The following ERMP1 variants were observed in gnomAD, a reference collection of about 807,000 sequenced individuals.
The protein encoded by ERMP1 is endoplasmic reticulum metallopeptidase 1.
Under a neutral mutation model 92.0 loss-of-function variants are expected in ERMP1, and 86 were observed. The observed-to-expected ratio is 0.93, with a 90% CI of 0.79 to 1.12. The LOEUF (loss-of-function observed/expected upper bound fraction) is 1.12. Ranked by LOEUF, ERMP1 falls within the 50% of genes most tolerant of loss-of-function variation. ERMP1 has a pLI of 0.00. For synonymous variants in ERMP1, 530 were observed against 412.8 expected, an observed-to-expected ratio of 1.28 and a Z score of -3.44; for missense variants, 1,342 against 1,116.3, an observed-to-expected ratio of 1.20 and a Z score of -2.88.
At chr9:5,840,099 A>C (rs1830143405) in intron 6 of ERMP1, among the ~76,000 whole-genome samples, 1 of 152,132 alleles carries the variant, frequency 6.6e-6, no homozygotes, top group Admixed American at 6.5e-5. Context: ...GAAATTAACC[A>C]GGCGTGGTGG....
intron 4 of ERMP1, among the ~76,000 whole-genome samples, chr9:5,817,575 C>G (rs937318817): frequency 6.6e-6 from 1 of 152,242 alleles, no homozygotes; most frequent in Non-Finnish European, 1.5e-5. Flanking sequence ...CAGGCAGATA[C>G]AGAAACATTT....
rs1827924116 is a variant in ERMP1 at position 5,786,078 on chromosome 9, T to TCTC, written c.*1063_*1065dup. On this transcript the variant is annotated 3_prime_UTR_variant, in exon 15 of 15. Transcript: ENST00000339450. ...TTCCAGTATAAGCCACAACCTCAAG[T>TCTC]CTCAGGAAAGCCAGTCTGCTGGATA... is the stretch of plus-strand genomic sequence containing the variant. The TCTC allele has an allele frequency of 6.6e-6, 1 of 152,028 alleles. No individual in the cohort carries two copies. Among genetic ancestry groups the TCTC allele is most frequent in the Non-Finnish European group, 1.5e-5 (1 of 68,022 alleles). 9.4% of individuals were successfully genotyped at this position (152,028 alleles called of 1,614,324 possible). A position where few individuals can be genotyped will look rare whatever the true frequency, so the allele number is the denominator to read the frequency against.
intron 2 of ERMP1, among the ~76,000 whole-genome samples, chr9:5,830,298 C>G (rs1829890268): frequency 6.6e-6 from 1 of 152,172 alleles, no homozygotes; most frequent in Non-Finnish European, 1.5e-5. Flanking sequence ...TTGGACACCC[C>G]TGCTCTAAAA....
At chr9:5,807,881 C>T (rs1828928179) in intron 8 of ERMP1, among the ~76,000 whole-genome samples, 1 of 152,190 alleles carries the variant, frequency 6.6e-6, no homozygotes, top group Non-Finnish European at 1.5e-5. Flanking sequence ...CTTCATCCCA[C>T]AATATATTGC....
At chr9:5,832,387 A>C in intron 1 of ERMP1, 1 of 366,664 alleles carries the variant, frequency 2.7e-6, no homozygotes, top group Non-Finnish European at 4.9e-6. Flanking sequence ...GTTCCAGAAT[A>C]TGGGGAGACG....
At chr9:5,788,526 T>TA (rs2131194770) in intron 13 of ERMP1, among the ~76,000 whole-genome samples, 1 of 152,174 alleles carries the variant, frequency 6.6e-6, no homozygotes, top group East Asian at 1.9e-4. Context: ...TTGAAAGAGA[T>TA]AAATATTATT....
chr9:5,808,324 C>T (rs2131232286), intron 8 of ERMP1, among the ~76,000 whole-genome samples: 1 of 152,360 alleles, frequency 6.6e-6, no homozygotes, highest in Middle Eastern at 3.4e-3. Context: ...GTTAGCCACA[C>T]TCTGATTACA....
intron 6 of ERMP1, among the ~76,000 whole-genome samples, chr9:5,847,306 T>C (rs1378440314): frequency 6.6e-6 from 1 of 152,120 alleles, no homozygotes; most frequent in Non-Finnish European, 1.5e-5. Flanking sequence ...GTCCAGGCTG[T>C]AGTGCAGTCT....
intron 10 of ERMP1, among the ~76,000 whole-genome samples, chr9:5,803,916 T>C (rs1828769929): frequency 2.0e-5 from 3 of 152,100 alleles, no homozygotes; most frequent in Non-Finnish European, 4.4e-5. Flanking sequence ...CAAACAATAA[T>C]ATGCATAAGA....
chr9:5,828,565 C>T (rs1299763351), intron 2 of ERMP1, among the ~76,000 whole-genome samples: 2 of 152,160 alleles, frequency 1.3e-5, no homozygotes, highest in Admixed American at 6.5e-5. Context: ...GACTCAAGGT[C>T]CTTTTCCTTT....
At chr9:5,810,328 A>C in intron 7 of ERMP1, 97 bp from the exon 8 acceptor site, 1 of 791,010 alleles carries the variant, frequency 1.3e-6, no homozygotes, top group Non-Finnish European at 2.1e-6. Context: ...TAAAACAAAA[A>C]ACTCCCCACT....
At chr9:5,806,587 C>T (rs781430008) in intron 8 of ERMP1, among the ~76,000 whole-genome samples, 5 of 151,950 alleles carry the variant, frequency 3.3e-5, no homozygotes, top group Non-Finnish European at 4.4e-5. Context: ...CACCACTACA[C>T]CCAGCAAAGT....
chr9:5,813,127 G>A, intron 4 of ERMP1, 92 bp from the exon 5 acceptor site: 2 of 1,376,090 alleles, frequency 1.5e-6, no homozygotes, highest in Non-Finnish European at 2.0e-6. Flanking sequence ...CAGTAAAAGT[G>A]GTGGTTTTGG....
At chr9:5,858,516 T>A (rs1203588654) in intron 6 of ERMP1, among the ~76,000 whole-genome samples, 1 of 152,310 alleles carries the variant, frequency 6.6e-6, no homozygotes, top group East Asian at 1.9e-4. Flanking sequence ...GCACACAGTG[T>A]CCTGCACACC....
upstream of ERMP1, among the ~76,000 whole-genome samples, chr9:5,837,720 T>A (rs985697015): frequency 5.3e-5 from 8 of 152,316 alleles, no homozygotes; most frequent in Admixed American, 2.6e-4. Flanking sequence ...AAGAAAAATA[T>A]CAACGCCTCA....
chr9:5,805,270 T>A, intron 9 of ERMP1, 53 bp from the exon 10 acceptor site: 5 of 1,369,468 alleles, frequency 3.7e-6, no homozygotes, highest in South Asian at 1.3e-5. Flanking sequence ...CAGTGAGATA[T>A]AAATTTTTAT....
At chr9:5,821,136 T>C (rs897917372) in intron 4 of ERMP1, among the ~76,000 whole-genome samples, 1 of 152,268 alleles carries the variant, frequency 6.6e-6, no homozygotes, top group Non-Finnish European at 1.5e-5. Flanking sequence ...TTAAATTTTA[T>C]GTTTATACTA....
intron 6 of ERMP1, among the ~76,000 whole-genome samples, chr9:5,811,588 C>A (rs889454465): frequency 6.6e-6 from 1 of 152,188 alleles, no homozygotes. Flanking sequence ...AGCCAACTGG[C>A]CTGTATCTTT....
At chr9:5,791,145 C>T (rs2131200119) in intron 13 of ERMP1, 1 of 447,994 alleles carries the variant, frequency 2.2e-6, no homozygotes, top group Non-Finnish European at 4.5e-6. Context: ...TATTAGCATT[C>T]TCCAGGGAAA....
Sources: gnomAD v4.1 joint callset for allele counts (sites outside exome capture counted in the v4.1 genomes callset) on GRCh38, gnomAD v4.1.1 for gene constraint, MANE v1.5 for transcripts, NCBI Gene and HGNC (gene_info 2026-07-23, HGNC 2026-07-21) for gene names.